PVT1: variants seen among roughly 807,000 people sequenced by gnomAD.
The protein encoded by PVT1 is Pvt1 oncogene.
chr8:128,049,149 T>C (rs1243776430), intron 4 of PVT1: 1 of 528,368 alleles, frequency 1.9e-6, no homozygotes, highest in Admixed American at 2.0e-5. Context: ...CAGGCCTCCA[T>C]GTGCAGGGCT....
chr8:127,889,000 C>G (rs1815560441), intron 2 of PVT1, among the ~76,000 whole-genome samples: 1 of 152,030 alleles, frequency 6.6e-6, no homozygotes, highest in South Asian at 2.1e-4. Flanking sequence ...GTCTGCCAGT[C>G]CGCCTTGTTT....
chr8:127,943,641 C>T lies in PVT1; in HGVS notation n.783-45521C>T, dbSNP rs148739567. ...CAGTTGGGACAACCTAAAGTGTTTCCAGACATTGCCACATGTTCTTTTGTG... is the reference window on the plus strand; with the variant it reads ...CAGTTGGGACAACCTAAAGTGTTTCTAGACATTGCCACATGTTCTTTTGTG... On this transcript the variant is annotated intron_variant and non_coding_transcript_variant, in intron 3 of 10. Coordinates refer to ENST00000651587, the Ensembl canonical transcript of PVT1. Among the ~76,000 whole-genome samples the T allele has an allele frequency of 9.1e-4, 138 of 152,250 alleles. 1 individual carries two copies. Among genetic ancestry groups the T allele is most frequent in the African/African-American group, 2.9e-3 (120 of 41,544 alleles).
At chr8:127,991,390 C>T (rs1047179971) in intron 4 of PVT1, among the ~76,000 whole-genome samples, 15 of 151,976 alleles carry the variant, frequency 9.9e-5, no homozygotes, top group African/African-American at 3.1e-4. Flanking sequence ...GTGATCTGCC[C>T]GCCTTGGCCT....
Position 127,796,877 on chromosome 8 carries a change from C to CTTTTTTTTTTTTTTTTTTT in PVT1, n.372+824_372+825insTTTTTTTTTTTTTTTTTTT, listed in dbSNP as rs34435526. On this transcript the variant is annotated intron_variant and non_coding_transcript_variant, in intron 2 of 10. Transcript: ENST00000651587. Reference sequence around the variant, plus strand: ...AGATTCTTCTTTTTCTCTTGTTTTGCTTTTTTTTTTTTTTTTTTGAGACAG... The same window carrying CTTTTTTTTTTTTTTTTTTT: ...AGATTCTTCTTTTTCTCTTGTTTTGCTTTTTTTTTTTTTTTTTTTTTTTTTTTTTTTTTTTTTGAGACAG... Among the ~76,000 whole-genome samples the CTTTTTTTTTTTTTTTTTTT allele has an allele frequency of 1.7e-5, 2 of 121,122 alleles. 1 individual carries two copies. Among genetic ancestry groups the CTTTTTTTTTTTTTTTTTTT allele is most frequent in the Non-Finnish European group, 3.4e-5 (2 of 59,346 alleles). The allele number at this position is 121,122 out of a possible 152,430, so 79.5% of individuals were successfully genotyped here. A position where few individuals can be genotyped will look rare whatever the true frequency, so the allele number is the denominator to read the frequency against.
intron 4 of PVT1, among the ~76,000 whole-genome samples, chr8:128,052,175 T>A (rs145370597): frequency 9.2e-5 from 14 of 152,338 alleles, no homozygotes; most frequent in African/African-American, 3.4e-4. Context: ...GCCTGGTGCC[T>A]GAGTCCATGG....
chr8:128,045,156 C>T (rs936365935), intron 4 of PVT1, among the ~76,000 whole-genome samples: 27 of 152,194 alleles, frequency 1.8e-4, no homozygotes, highest in Admixed American at 5.2e-4. Context: ...AGCCCTTGGA[C>T]ACACCCTGAG....
chr8:127,990,791 G>A (rs1037909922), intron 4 of PVT1, among the ~76,000 whole-genome samples: 1 of 152,230 alleles, frequency 6.6e-6, no homozygotes, highest in Non-Finnish European at 1.5e-5. Flanking sequence ...ATGAGGCCTT[G>A]CCCTTCAGTC....
chr8:128,060,024 A>G (rs953561402), intron 4 of PVT1, among the ~76,000 whole-genome samples: 3 of 152,214 alleles, frequency 2.0e-5, no homozygotes, highest in African/African-American at 7.2e-5. Flanking sequence ...TGGGAGGCCA[A>G]GGCGGGTGGA....
At chr8:127,967,295 A>G (rs1816713878) in intron 3 of PVT1, among the ~76,000 whole-genome samples, 1 of 150,914 alleles carries the variant, frequency 6.6e-6, no homozygotes, top group African/African-American at 2.4e-5. Context: ...AGTGGGGAGA[A>G]GGAGAGGTTA....
intron 2 of PVT1, among the ~76,000 whole-genome samples, chr8:127,877,090 G>A (rs1448012807): frequency 6.6e-6 from 1 of 152,222 alleles, no homozygotes; most frequent in African/African-American, 2.4e-5. Context: ...GTTTAGCAGA[G>A]TGGCGTGGTG....
chr8:127,830,811 G>A (rs1814840321), intron 2 of PVT1, among the ~76,000 whole-genome samples: 1 of 152,120 alleles, frequency 6.6e-6, no homozygotes, highest in African/African-American at 2.4e-5. Flanking sequence ...CTAATCAGCT[G>A]CCAGTGAATA....
intron 4 of PVT1, among the ~76,000 whole-genome samples, chr8:128,044,934 T>C (rs1813593715): frequency 6.6e-6 from 1 of 152,210 alleles, no homozygotes; most frequent in South Asian, 2.1e-4. Context: ...TGATATGTAG[T>C]TGACATACAC....
chr8:127,912,495 C>G (rs1421384979), intron 3 of PVT1, among the ~76,000 whole-genome samples: 4 of 152,172 alleles, frequency 2.6e-5, no homozygotes, highest in Non-Finnish European at 5.9e-5. Flanking sequence ...CAAGGTACAG[C>G]CCTCCACGAT....
intron 2 of PVT1, among the ~76,000 whole-genome samples, chr8:127,882,585 G>C (rs956607610): frequency 6.6e-6 from 1 of 152,036 alleles, no homozygotes; most frequent in Non-Finnish European, 1.5e-5. Flanking sequence ...CCAGGTTCAA[G>C]CGATTCTCCT....
chr8:128,050,652 A>G (rs1285682040), intron 4 of PVT1, among the ~76,000 whole-genome samples: 1 of 152,004 alleles, frequency 6.6e-6, no homozygotes, highest in Non-Finnish European at 1.5e-5. Flanking sequence ...TGGCTCTGTG[A>G]CCCTAGGAAT....
chr8:127,984,217 A>G (rs1453443884), intron 3 of PVT1: 1 of 152,174 alleles, frequency 6.6e-6, no homozygotes, highest in African/African-American at 2.4e-5. Flanking sequence ...AAGTTGTTTT[A>G]TAGAAACACT....
chr8:128,093,765 G>A (rs889588734), intron 5 of PVT1, among the ~76,000 whole-genome samples: 6 of 151,862 alleles, frequency 4.0e-5, no homozygotes, highest in African/African-American at 1.5e-4. Context: ...AGCCTCCTGA[G>A]TGGCTGGGAT....
At chr8:127,947,610 G>A (rs1359062705) in intron 3 of PVT1, 1 of 432,146 alleles carries the variant, frequency 2.3e-6, no homozygotes, top group African/African-American at 2.0e-5. Context: ...AAAGAGTCAG[G>A]CAGAGTCTCA....
At chr8:127,960,948 G>T (rs1476652260) in intron 3 of PVT1, among the ~76,000 whole-genome samples, 5 of 132,680 alleles carry the variant, frequency 3.8e-5, no homozygotes, top group East Asian at 5.4e-4. Context: ...GGGGGTGGGG[G>T]GGGCGGGCGG....
Sources: allele counts gnomAD v4.1 joint callset (sites outside exome capture counted in the v4.1 genomes callset), GRCh38; gene constraint gnomAD v4.1.1; transcripts MANE v1.5; gene names NCBI Gene and HGNC (gene_info 2026-07-23, HGNC 2026-07-21).